ASAP2: variants seen among roughly 807,000 people sequenced by gnomAD.
ASAP2 encodes the protein arf-GAP with SH3 domain, ANK repeat and PH domain-containing protein 2.
A neutral mutation model predicts 131.4 loss-of-function variants in ASAP2; 45 were observed. The observed-to-expected ratio is 0.34, with a 90% CI of 0.27 to 0.44. The LOEUF is 0.44. Ranked by LOEUF, ASAP2 falls within the 20% of genes least tolerant of loss-of-function variation. The pLI is 1.00. For synonymous variants in ASAP2, 510 were observed against 503.0 expected (o/e 1.01, Z -0.19); for missense variants, 1,011 against 1,297.0 (o/e 0.78, Z 3.39).
chr2:9,284,845 C>T (rs1353456509), intron 2 of ASAP2, among the ~76,000 whole-genome samples: 3 of 152,154 alleles, frequency 2.0e-5, no homozygotes, highest in East Asian at 3.8e-4. Flanking sequence ...GTGTGTGTTA[C>T]GACAGGCCCT....
chr2:9,401,194 G>A (rs1270092111), intron 26 of ASAP2, 80 bp from the exon 27 acceptor site: 16 of 1,561,780 alleles, frequency 1.0e-5, no homozygotes, highest in Middle Eastern at 1.7e-4. Context: ...TGAGACCGGG[G>A]AAGGCAGGGT....
intron 7 of ASAP2, among the ~76,000 whole-genome samples, chr2:9,330,927 C>T (rs181388300): frequency 1.3e-5 from 2 of 152,270 alleles, no homozygotes; most frequent in Admixed American, 6.5e-5. Flanking sequence ...AGAGTGTGTA[C>T]GCTGCCTGCT....
In ASAP2 at chr2:9,219,408, A is replaced by T. The variant is rs542573316; in HGVS notation, c.126+12178A>T. Among the ~76,000 whole-genome samples, 176 of 152,316 alleles carry T rather than the reference A, an allele frequency of 1.2e-3. 1 individual carries two copies. The highest frequency in any genetic ancestry group is 4.8e-3 in the South Asian group (23 of 4,832). On this transcript the variant is annotated intron_variant, in intron 1 of 27. Coordinates refer to ENST00000281419, the MANE Select transcript of ASAP2 (RefSeq NM_003887.3). ...GTGACCTTGAGCCAGTTAACTGTGT[A>T]TCTGGTCTGTAACATGAGAGATTTG...
At chr2:9,391,576 C>CTTT (rs397869342) in intron 23 of ASAP2, among the ~76,000 whole-genome samples, 4 of 135,146 alleles carry the variant, frequency 3.0e-5, no homozygotes, top group South Asian at 2.4e-4. Context: ...TTTTCTTTTT[C>CTTT]TTTTTTTTTT....
intron 1 of ASAP2, among the ~76,000 whole-genome samples, chr2:9,248,586 G>A (rs1336666626): frequency 6.6e-6 from 1 of 152,026 alleles, no homozygotes; most frequent in Non-Finnish European, 1.5e-5. Flanking sequence ...TCAGAGGTGT[G>A]TTCAGAATAA....
intron 1 of ASAP2, among the ~76,000 whole-genome samples, chr2:9,251,982 C>A (rs1260990608): frequency 6.7e-6 from 1 of 149,822 alleles, no homozygotes; most frequent in African/African-American, 2.5e-5. Context: ...GAATTTAGTT[C>A]ATCAGTTATT....
chr2:9,327,302 G>T (rs554627056), intron 6 of ASAP2, among the ~76,000 whole-genome samples: 4 of 152,156 alleles, frequency 2.6e-5, no homozygotes, highest in Non-Finnish European at 5.9e-5. Flanking sequence ...TGATAGCTTC[G>T]TGGTCACTAA....
intron 27 of ASAP2, 137 bp downstream of exon 27, chr2:9,401,533 A>G (rs1676671265): frequency 8.5e-7 from 1 of 1,180,952 alleles, no homozygotes; most frequent in Non-Finnish European, 1.2e-6. Context: ...TCCGCCCCTT[A>G]GCATCCTCAG....
At chr2:9,354,551 C>T (rs533046560) in intron 12 of ASAP2, among the ~76,000 whole-genome samples, 10 of 151,630 alleles carry the variant, frequency 6.6e-5, no homozygotes, top group South Asian at 2.1e-4. Context: ...GTGGGAAGAT[C>T]GCTTGAGCCT....
chr2:9,363,605 A>T (rs1258204935), intron 15 of ASAP2, among the ~76,000 whole-genome samples: 1 of 151,576 alleles, frequency 6.6e-6, no homozygotes, highest in Non-Finnish European at 1.5e-5. Context: ...CTTTTTTTTG[A>T]CAGGTTCTTG....
intron 3 of ASAP2, among the ~76,000 whole-genome samples, chr2:9,316,969 C>CA (rs74862001): frequency 2.0e-4 from 28 of 140,216 alleles, no homozygotes; most frequent in Admixed American, 4.9e-4. Flanking sequence ...ACACACCCCC[C>CA]GTCACACCCT....
rs532867672 is a variant in ASAP2, at chr2:9,211,644, A to G, written c.126+4414A>G. On this transcript the variant is annotated intron_variant, in intron 1 of 27. Transcript: ENST00000281419. ...TTTGTTGTCCTTGGTTACCTTGGCA[A>G]TCCCATTGCTGTCATAAGCACAGGG... Among the ~76,000 whole-genome samples the G allele has an allele frequency of 2.4e-4, 37 of 152,224 alleles. No individual in the cohort carries two copies. In the South Asian group the frequency reaches 7.3e-3, roughly 30 times the overall value.
At chr2:9,282,177 C>G (rs1279435921) in intron 2 of ASAP2, among the ~76,000 whole-genome samples, 1 of 152,190 alleles carries the variant, frequency 6.6e-6, no homozygotes, top group Non-Finnish European at 1.5e-5. Flanking sequence ...CACATAACAG[C>G]CTGGCATGTG....
At chr2:9,330,666 G>A (rs1670773103) in intron 7 of ASAP2, among the ~76,000 whole-genome samples, 3 of 152,166 alleles carry the variant, frequency 2.0e-5, no homozygotes. Flanking sequence ...TTTGTGATGA[G>A]CATGCAAATT....
At chr2:9,345,225 G>T (rs1671886448) in intron 11 of ASAP2, among the ~76,000 whole-genome samples, 1 of 151,840 alleles carries the variant, frequency 6.6e-6, no homozygotes. Context: ...TCCATTAAGA[G>T]AAAAAAATGG....
chr2:9,334,959 G>A (rs1327013833), intron 8 of ASAP2, 134 bp from the exon 9 acceptor site: 7 of 1,348,878 alleles, frequency 5.2e-6, no homozygotes, highest in Non-Finnish European at 7.3e-6. Flanking sequence ...CTCTGTCTTG[G>A]TGGGAGGGAA....
chr2:9,345,607 C>G (rs1457677910), intron 11 of ASAP2, among the ~76,000 whole-genome samples: 1 of 152,042 alleles, frequency 6.6e-6, no homozygotes, highest in Admixed American at 6.6e-5. Flanking sequence ...CTTTTTGTTG[C>G]TAGAGAGATG....
At chr2:9,247,884 G>A (rs947213866) in intron 1 of ASAP2, among the ~76,000 whole-genome samples, 6 of 152,026 alleles carry the variant, frequency 3.9e-5, no homozygotes, top group Admixed American at 6.5e-5. Context: ...CCTATTTCCC[G>A]CTCTCCTCCT....
At chr2:9,247,699 AG>A (rs1272167969) in intron 1 of ASAP2, among the ~76,000 whole-genome samples, 1 of 152,240 alleles carries the variant, frequency 6.6e-6, no homozygotes, top group African/African-American at 2.4e-5. Flanking sequence ...GAAAGCGCCT[AG>A]GCTGGTGCCA....
Sources: gnomAD v4.1 joint callset for allele counts (sites outside exome capture counted in the v4.1 genomes callset) on GRCh38, gnomAD v4.1.1 for gene constraint, MANE v1.5 for transcripts, NCBI Gene and HGNC (gene_info 2026-07-23, HGNC 2026-07-21) for gene names.